The following GNAL variants were observed in gnomAD, a reference collection of about 807,000 sequenced individuals.
The protein encoded by GNAL is guanine nucleotide-binding protein G(olf) subunit alpha.
Under a neutral mutation model 55.1 loss-of-function variants are expected in GNAL, and 18 were observed. That is an observed-to-expected ratio of 0.33 (90% CI 0.23 to 0.48). The LOEUF (loss-of-function observed/expected upper bound fraction) is 0.48, where lower values mean the gene tolerates loss of function less well. Among genes scored for constraint, GNAL ranks in the 20% least tolerant of loss-of-function variants. The pLI, the probability that GNAL is intolerant of heterozygous loss-of-function variation, is 0.99. For synonymous variants in GNAL, 253 were observed against 237.0 expected (o/e 1.07, Z -0.62); for missense variants, 412 against 614.1 (o/e 0.67, Z 3.48).
At chr18:11,750,331 T>G (rs888075225) in intron 1 of GNAL, among the ~76,000 whole-genome samples, 2 of 151,710 alleles carry the variant, frequency 1.3e-5, no homozygotes, top group African/African-American at 4.8e-5. Context: ...TGCGGCACCG[T>G]GGGGGCGGTG....
chr18:11,858,451 A>G (rs1442843826), intron 5 of GNAL, among the ~76,000 whole-genome samples: 1 of 152,222 alleles, frequency 6.6e-6, no homozygotes, highest in Admixed American at 6.5e-5. Flanking sequence ...TTAAGGAGGC[A>G]ATGTTATAAC....
chr18:11,704,222 G>A (rs1358739100), intron 1 of GNAL, among the ~76,000 whole-genome samples: 1 of 152,154 alleles, frequency 6.6e-6, no homozygotes, highest in Non-Finnish European at 1.5e-5. Flanking sequence ...CTAGACCCGT[G>A]GGTCATACCA....
At chr18:11,848,880 T>C (rs1365212864) in intron 5 of GNAL, among the ~76,000 whole-genome samples, 2 of 152,204 alleles carry the variant, frequency 1.3e-5, no homozygotes, top group Non-Finnish European at 2.9e-5. Flanking sequence ...TTTATTCTTA[T>C]TAATTCATGT....
chr18:11,883,456 A>C lies in GNAL; in HGVS notation c.*2321A>C, dbSNP rs2036769276. ...CAACAGCCAGACTGTTAAGAAAAAA[A>C]ACAAAAAGAATAACTTTTATCTGGC... On this transcript the variant is annotated 3_prime_UTR_variant, in exon 12 of 12. Coordinates refer to ENST00000334049, the MANE Select transcript of GNAL (RefSeq NM_182978.4). 1 of 153,420 alleles carries C rather than the reference A, an allele frequency of 6.5e-6. No individual in the cohort carries two copies. Among genetic ancestry groups the C allele is most frequent in the Non-Finnish European group, 1.5e-5 (1 of 68,040 alleles). The allele number at this position is 153,420 out of a possible 1,614,324, so 9.5% of individuals were successfully genotyped here.
In GNAL at chr18:11,719,896, A is replaced by G. The variant is rs937327851; in HGVS notation, c.376+29957A>G. On this transcript the variant is annotated intron_variant, in intron 1 of 11. Coordinates refer to ENST00000334049, the MANE Select transcript of GNAL (RefSeq NM_182978.4). Reference sequence around the variant, plus strand: ...ATTTATAGCAGCATGTGTGTGTGCCAGCAATAGAGTGCAAGAGACAGATGT... The same window carrying G: ...ATTTATAGCAGCATGTGTGTGTGCCGGCAATAGAGTGCAAGAGACAGATGT... Among the ~76,000 whole-genome samples, 5 of 152,262 alleles carry G rather than the reference A, an allele frequency of 3.3e-5. No homozygotes were observed. In the South Asian group the frequency reaches 8.3e-4, roughly 25 times the overall value.
chr18:11,795,080 T>A (rs1357354823), intron 4 of GNAL, among the ~76,000 whole-genome samples: 1 of 152,004 alleles, frequency 6.6e-6, no homozygotes, highest in African/African-American at 2.4e-5. Context: ...TGACCTCAGG[T>A]GATCTGCCCA....
chr18:11,803,083 TATAAC>T (rs1285733908), intron 4 of GNAL, among the ~76,000 whole-genome samples: 8 of 152,044 alleles, frequency 5.3e-5, no homozygotes, highest in Non-Finnish European at 1.2e-4. Flanking sequence ...ATAAAATACA[TATAAC>T]ATAAATTTTA....
intron 4 of GNAL, among the ~76,000 whole-genome samples, chr18:11,822,427 A>T (rs2035123063): frequency 6.6e-6 from 1 of 152,168 alleles, no homozygotes; most frequent in Admixed American, 6.5e-5. Context: ...CAACATGGTA[A>T]AACCCCGTCT....
intron 1 of GNAL, among the ~76,000 whole-genome samples, chr18:11,698,160 A>G (rs1434174559): frequency 6.6e-6 from 1 of 152,116 alleles, no homozygotes; most frequent in Non-Finnish European, 1.5e-5. Context: ...TTTCTGGAGG[A>G]AGGCAGTGGC....
intron 1 of GNAL, among the ~76,000 whole-genome samples, chr18:11,729,003 A>G (rs932989258): frequency 1.3e-5 from 2 of 152,208 alleles, no homozygotes; most frequent in Non-Finnish European, 2.9e-5. Flanking sequence ...AAAGTCTCCA[A>G]GAAACATCAG....
intron 1 of GNAL, among the ~76,000 whole-genome samples, chr18:11,710,680 G>T (rs1456947961): frequency 1.3e-5 from 2 of 151,208 alleles, no homozygotes; most frequent in African/African-American, 4.9e-5. Flanking sequence ...GTGTTCTTTG[G>T]TTGGCACTTT....
intron 4 of GNAL, among the ~76,000 whole-genome samples, chr18:11,812,998 G>A (rs1395105498): frequency 7.9e-5 from 12 of 152,248 alleles, no homozygotes; most frequent in African/African-American, 2.9e-4. Flanking sequence ...GCTCATACCT[G>A]TAATCCCAGC....
chr18:11,879,157 C>T (rs2036602151), intron 11 of GNAL, among the ~76,000 whole-genome samples: 1 of 150,124 alleles, frequency 6.7e-6, no homozygotes, highest in African/African-American at 2.4e-5. Flanking sequence ...ATTTTAGTGT[C>T]CATAAGTTTT....
intron 1 of GNAL, among the ~76,000 whole-genome samples, chr18:11,717,262 G>A (rs547833077): frequency 1.2e-3 from 182 of 152,280 alleles, no homozygotes; most frequent in African/African-American, 2.9e-3. Context: ...CTGTTCCCCC[G>A]GCACCTCTCC....
At chr18:11,697,236 C>T (rs1205820296) in intron 1 of GNAL, among the ~76,000 whole-genome samples, 1 of 152,134 alleles carries the variant, frequency 6.6e-6, no homozygotes, top group Admixed American at 6.5e-5. Context: ...CTGCAACAGC[C>T]CAGTCAAGAG....
intron 4 of GNAL, among the ~76,000 whole-genome samples, chr18:11,807,223 C>G (rs2034688029): frequency 6.6e-6 from 1 of 152,026 alleles, no homozygotes; most frequent in African/African-American, 2.4e-5. Context: ...AGGACATGGT[C>G]TCATTCTTTT....
At position 11,885,028 on chromosome 18, in the gene GNAL, A is replaced by T. The variant is rs750925113; in HGVS notation, c.*3893A>T. 15 of 1,296,088 alleles carry T rather than the reference A, an allele frequency of 1.2e-5. No individual in the cohort carries two copies. Among genetic ancestry groups the T allele is most frequent in the Non-Finnish European group, 1.4e-5 (14 of 993,524 alleles). The allele number at this position is 1,296,088 out of a possible 1,614,324, so 80.3% of individuals were successfully genotyped here. ...GTGTCTTCCTGCCCCTTGATGCTCA[A>T]CTAAGCATCTGTTCCCTAGAAATAC... On this transcript the variant is annotated 3_prime_UTR_variant, in exon 12 of 12. Coordinates refer to ENST00000334049, the MANE Select transcript of GNAL (RefSeq NM_182978.4).
chr18:11,703,441 A>G (rs1298680691), intron 1 of GNAL, among the ~76,000 whole-genome samples: 3 of 152,252 alleles, frequency 2.0e-5, no homozygotes, highest in South Asian at 2.1e-4. Context: ...AAGAAATTCA[A>G]TGTGCTGAAA....
chr18:11,844,169 C>T (rs1051748064), intron 5 of GNAL, among the ~76,000 whole-genome samples: 2 of 152,102 alleles, frequency 1.3e-5, no homozygotes, highest in African/African-American at 4.8e-5. Context: ...CACAGTGGCT[C>T]ACGCCTGTAA....
Sources: allele counts gnomAD v4.1 joint callset (sites outside exome capture counted in the v4.1 genomes callset), GRCh38; gene constraint gnomAD v4.1.1; transcripts MANE v1.5; gene names NCBI Gene and HGNC (gene_info 2026-07-23, HGNC 2026-07-21).